Variants in KCNK13 observed in about 807,000 individuals in gnomAD.
The protein encoded by KCNK13 is potassium two pore domain channel subfamily K member 13, also known as potassium channel subfamily K member 13.
A neutral mutation model predicts 23.4 loss-of-function variants in KCNK13; 12 were observed. The observed-to-expected ratio is 0.51, with a 90% CI of 0.33 to 0.83. The LOEUF (loss-of-function observed/expected upper bound fraction) is 0.83, where lower values mean the gene tolerates loss of function less well. KCNK13 is among the 40% of genes least tolerant of loss of function. KCNK13 has a pLI of 0.02. For missense variants in KCNK13, 463 were observed against 556.3 expected (o/e 0.83, Z 1.69); for synonymous variants, 231 against 229.5 (o/e 1.01, Z -0.06).
chr14:90,099,034 G>A (rs1048304304), intron 1 of KCNK13, among the ~76,000 whole-genome samples: 1 of 151,506 alleles, frequency 6.6e-6, no homozygotes, highest in Non-Finnish European at 1.5e-5. Context: ...CCGAGAGTGC[G>A]CCTGCACTCC....
intron 1 of KCNK13, among the ~76,000 whole-genome samples, chr14:90,067,662 A>G (rs895359716): frequency 6.6e-6 from 1 of 152,238 alleles, no homozygotes; most frequent in Non-Finnish European, 1.5e-5. Flanking sequence ...GTATTAAAAC[A>G]CAATTCAGAA....
chr14:90,090,699 A>G (rs1373477967), intron 1 of KCNK13, among the ~76,000 whole-genome samples: 4 of 152,212 alleles, frequency 2.6e-5, no homozygotes, highest in South Asian at 2.1e-4. Flanking sequence ...CCCACGTGTC[A>G]TGAGAGGAAC....
intron 1 of KCNK13, among the ~76,000 whole-genome samples, chr14:90,101,171 C>T (rs11851455): frequency 1.3e-5 from 2 of 152,088 alleles, no homozygotes; most frequent in South Asian, 2.1e-4. Flanking sequence ...GACCAGGTGA[C>T]GTAGGCAGGG....
intron 1 of KCNK13, among the ~76,000 whole-genome samples, chr14:90,171,446 T>C (rs1890363451): frequency 6.6e-6 from 1 of 152,254 alleles, no homozygotes; most frequent in Admixed American, 6.5e-5. Flanking sequence ...ATTATGATTG[T>C]GGACCCTGAA....
chr14:90,104,796 T>C (rs150190071), intron 1 of KCNK13, among the ~76,000 whole-genome samples: 8,927 of 144,246 alleles, frequency 0.062, 350 homozygotes, highest in Middle Eastern at 0.099. Flanking sequence ...CTTTTCTTTT[T>C]TTTTTTTTTT....
At chr14:90,080,053 G>T (rs889905233) in intron 1 of KCNK13, among the ~76,000 whole-genome samples, 1 of 152,198 alleles carries the variant, frequency 6.6e-6, no homozygotes, top group Non-Finnish European at 1.5e-5. Flanking sequence ...TGCTATTGTT[G>T]TCTGAGGACG....
intron 1 of KCNK13, among the ~76,000 whole-genome samples, chr14:90,125,427 G>T (rs971065645): frequency 2.6e-5 from 4 of 151,868 alleles, no homozygotes; most frequent in African/African-American, 9.7e-5. Context: ...GTTTCACCAT[G>T]TTAGCCAGGA....
chr14:90,153,344 G>A (rs1167250178), intron 1 of KCNK13, among the ~76,000 whole-genome samples: 1 of 152,182 alleles, frequency 6.6e-6, no homozygotes, highest in Non-Finnish European at 1.5e-5. Context: ...GTGTGACCAT[G>A]AGCAATTTCT....
In KCNK13 at chr14:90,062,593, CG is replaced by C; in HGVS notation, c.334+60del. On this transcript the variant is annotated intron_variant, in intron 1 of 1. Transcript: ENST00000282146. This position sits in a 1 kb window ranked among gnomAD's most constrained non-coding sequence, Gnocchi z 4.5. ...ACCTCCGGGCGGCCTCCACTTCCTC[CG>C]GGGGGCAGGACCGACCCTCTCATCC... 4.5e-6 allele frequency: 6 copies of C among 1,340,066 alleles called. No individual in the cohort carries two copies. The highest frequency in any genetic ancestry group is 5.8e-5 in the Admixed American group (2 of 34,768). 83.0% of individuals were successfully genotyped at this position (1,340,066 alleles called of 1,614,324 possible).
chr14:90,141,658 A>T (rs1890006384), intron 1 of KCNK13, among the ~76,000 whole-genome samples: 1 of 151,368 alleles, frequency 6.6e-6, no homozygotes, highest in Admixed American at 6.6e-5. Context: ...AGATTTCACC[A>T]TGTTGGTCAG....
intron 1 of KCNK13, among the ~76,000 whole-genome samples, chr14:90,172,686 A>G (rs1890378705): frequency 6.6e-6 from 1 of 152,174 alleles, no homozygotes; most frequent in Non-Finnish European, 1.5e-5. Flanking sequence ...ATAGAGTGTT[A>G]TAAGTGTGTG....
At chr14:90,091,251 T>C (rs1414217798) in intron 1 of KCNK13, among the ~76,000 whole-genome samples, 1 of 152,176 alleles carries the variant, frequency 6.6e-6, no homozygotes, top group Non-Finnish European at 1.5e-5. Flanking sequence ...TGCATGGAGA[T>C]TTTATTCCAT....
intron 1 of KCNK13, among the ~76,000 whole-genome samples, chr14:90,143,618 C>G (rs1161348144): frequency 1.3e-5 from 2 of 152,224 alleles, no homozygotes; most frequent in East Asian, 3.9e-4. Flanking sequence ...AAAAGAAAAA[C>G]TTTAGGCAAA....
Position 90,184,832 on chromosome 14 carries a change from GC to G in KCNK13, c.1057del (p.Leu353TrpfsTer45). The stretch of plus-strand genomic sequence containing the variant: ...GGGAGATGATCTCCATGAAGGACTT[GC>G]TGGCAGCCAACAAGGCCTCGTTGGC... The part of the protein sequence containing the change: ...SGEMISMKDL[L>X]AANKASLAIL... On this transcript the variant is annotated frameshift_variant, in exon 2 of 2. Transcript: ENST00000282146. LOFTEE classifies it high-confidence loss of function. This position sits in a 1 kb window ranked among gnomAD's most constrained non-coding sequence, Gnocchi z 5.6. 6.2e-7 allele frequency: 1 copy of G among 1,613,814 alleles called. No homozygotes were observed.
chr14:90,165,486 T>C (rs1160808811), intron 1 of KCNK13, among the ~76,000 whole-genome samples: 1 of 152,210 alleles, frequency 6.6e-6, no homozygotes, highest in Non-Finnish European at 1.5e-5. Context: ...GTCATCATTC[T>C]TCAAAATGTC....
intron 1 of KCNK13, among the ~76,000 whole-genome samples, chr14:90,142,589 A>T (rs1007425741): frequency 2.6e-5 from 4 of 152,072 alleles, no homozygotes; most frequent in African/African-American, 4.8e-5. Context: ...AAGTGCTGGG[A>T]TTACAGGCAT....
rs116266564 is a variant in KCNK13, at chr14:90,161,215, C to T, written c.335-22896C>T. ...AGACACAGAAGGACAAAATATTACA[C>T]GAGCCCACTTATCACTTATATGAGG... On this transcript the variant is annotated intron_variant, in intron 1 of 1. Transcript: ENST00000282146. Among the ~76,000 whole-genome samples the T allele has an allele frequency of 5.5e-3, 841 of 152,236 alleles. 7 individuals are homozygous for T. Among genetic ancestry groups the T allele is most frequent in the African/African-American group, 0.019 (807 of 41,540 alleles).
At chr14:90,150,061 C>T (rs1890117658) in intron 1 of KCNK13, among the ~76,000 whole-genome samples, 1 of 152,070 alleles carries the variant, frequency 6.6e-6, no homozygotes, top group African/African-American at 2.4e-5. Flanking sequence ...CATAAAGATA[C>T]ATAAGCGCTC....
intron 1 of KCNK13, among the ~76,000 whole-genome samples, chr14:90,151,266 A>G (rs1890131546): frequency 6.6e-6 from 1 of 152,214 alleles, no homozygotes; most frequent in African/African-American, 2.4e-5. Context: ...TCCCACCAAC[A>G]GTGTACAAGA....
Sources: gnomAD v4.1 joint callset for allele counts (sites outside exome capture counted in the v4.1 genomes callset) on GRCh38, gnomAD v4.1.1 for gene constraint, Gnocchi (gnomAD v3.1) non-coding constraint, MANE v1.5 for transcripts, NCBI Gene and HGNC (gene_info 2026-07-23, HGNC 2026-07-21) for gene names.